The following DNAJC24 variants were observed in gnomAD, a reference collection of about 807,000 sequenced individuals.
DNAJC24 encodes the protein dnaJ homolog subfamily C member 24.
DNAJC24 carries 17 observed loss-of-function variants against 18.0 expected under a neutral mutation model. That is an observed-to-expected ratio of 0.94 (90% CI 0.65 to 1.42). The LOEUF is 1.42. Ranked by LOEUF, DNAJC24 falls within the 40% of genes most tolerant of loss-of-function variation. DNAJC24 has a pLI of 0.00. For synonymous variants in DNAJC24, 55 were observed against 57.7 expected (o/e 0.95, Z 0.21); for missense variants, 158 against 175.6 (o/e 0.90, Z 0.57).
At chr11:31,429,661 A>C (rs897622003) in intron 4 of DNAJC24, 1 of 221,064 alleles carries the variant, frequency 4.5e-6, no homozygotes, top group African/African-American at 2.3e-5. Context: ...TTGTTGGTTC[A>C]TGTATCATTT....
intron 3 of DNAJC24, among the ~76,000 whole-genome samples, chr11:31,418,904 A>G (rs766773581): frequency 7.2e-5 from 11 of 152,242 alleles, no homozygotes; most frequent in Non-Finnish European, 1.3e-4. Context: ...GGAACGAAAT[A>G]TAAGCAAATC....
chr11:31,422,495 A>G (rs1952816656), intron 3 of DNAJC24, among the ~76,000 whole-genome samples: 1 of 152,196 alleles, frequency 6.6e-6, no homozygotes. Flanking sequence ...ATTTAATTAA[A>G]TCACTCTCTA....
intron 2 of DNAJC24, among the ~76,000 whole-genome samples, chr11:31,390,395 C>CA (rs370680501): frequency 0.38 from 18,052 of 47,598 alleles, 3,093 homozygotes; most frequent in Non-Finnish European, 0.4. Context: ...GACTCTATCT[C>CA]AAAAAAAAAA....
rs1952297340 is a variant in DNAJC24 at position 31,374,861 on chromosome 11, A to C, written c.111+4002A>C. Among the ~76,000 whole-genome samples, 2 of 134,300 alleles carry C rather than the reference A, an allele frequency of 1.5e-5. 1 individual carries two copies. Among genetic ancestry groups the C allele is most frequent in the Non-Finnish European group, 3.4e-5 (2 of 58,038 alleles). The allele number at this position is 134,300 out of a possible 152,430, so 88.1% of individuals were successfully genotyped here. A position where few individuals can be genotyped will look rare whatever the true frequency, so the allele number is the denominator to read the frequency against. On this transcript the variant is annotated intron_variant, in intron 2 of 4. Transcript: ENST00000465995. The stretch of plus-strand genomic sequence containing the variant: ...TGAATTTGTTATCATTTATTGATGA[A>C]TTTTCCATCTCTTCAAATTTTGGTG...
intron 2 of DNAJC24, among the ~76,000 whole-genome samples, chr11:31,400,609 C>T (rs1952592385): frequency 6.6e-6 from 1 of 152,136 alleles, no homozygotes; most frequent in Non-Finnish European, 1.5e-5. Context: ...ACAAACCTGA[C>T]AGAAACAAGC....
At chr11:31,388,169 G>A (rs920914081) in intron 2 of DNAJC24, among the ~76,000 whole-genome samples, 1 of 152,108 alleles carries the variant, frequency 6.6e-6, no homozygotes, top group African/African-American at 2.4e-5. Flanking sequence ...TAAAGTGGAG[G>A]TAGAGAGAGA....
intron 3 of DNAJC24, among the ~76,000 whole-genome samples, chr11:31,420,547 T>G (rs1591921087): frequency 1.3e-5 from 2 of 152,238 alleles, no homozygotes; most frequent in East Asian, 3.9e-4. Flanking sequence ...TTTCTTATGG[T>G]CTGGTATAGA....
rs563979360 is a variant in DNAJC24, at chr11:31,387,571, G to A, written c.111+16712G>A. Among the ~76,000 whole-genome samples, 5 of 152,262 alleles carry A rather than the reference G, an allele frequency of 3.3e-5. No homozygotes were observed. In the East Asian group the frequency reaches 9.7e-4, roughly 29 times the overall value. ...GGGATGCCCTCTAATGAAGATATAC[G>A]AGCAGTGACCAAAGACTTAGATTAC... On this transcript the variant is annotated intron_variant, in intron 2 of 4. Coordinates refer to ENST00000465995, the MANE Select transcript of DNAJC24 (RefSeq NM_181706.5).
intron 2 of DNAJC24, among the ~76,000 whole-genome samples, chr11:31,384,087 A>G (rs993975675): frequency 6.6e-6 from 1 of 152,176 alleles, no homozygotes; most frequent in Non-Finnish European, 1.5e-5. Context: ...AGTGTTTTAT[A>G]ATGTATTTCA....
chr11:31,429,247 A>G (rs1220590643), intron 4 of DNAJC24, among the ~76,000 whole-genome samples: 1 of 151,814 alleles, frequency 6.6e-6, no homozygotes. Flanking sequence ...AAACACATAA[A>G]GTTAGCTTAT....
Position 31,432,530 on chromosome 11 carries a change from G to A in DNAJC24, c.*2129G>A, listed in dbSNP as rs779915256. 8 of 1,612,838 alleles carry A rather than the reference G, an allele frequency of 5.0e-6. No homozygotes were observed. In the African/African-American group the frequency reaches 9.3e-5, roughly 19 times the overall value. On this transcript the variant is annotated 3_prime_UTR_variant, in exon 5 of 5. Coordinates refer to ENST00000465995, the MANE Select transcript of DNAJC24 (RefSeq NM_181706.5). The stretch of plus-strand genomic sequence containing the variant: ...CATCAGAAAATCTGTGGCCATTAGG[G>A]CTGGCACGTAAAAATCCAAAATCAC...
chr11:31,410,765 T>TA (rs1014264560), intron 2 of DNAJC24, among the ~76,000 whole-genome samples: 1 of 152,222 alleles, frequency 6.6e-6, no homozygotes, highest in African/African-American at 2.4e-5. Flanking sequence ...GTTATATACT[T>TA]ACCTTTCCTC....
intron 3 of DNAJC24, among the ~76,000 whole-genome samples, chr11:31,419,302 T>C (rs1952781531): frequency 6.6e-6 from 1 of 151,978 alleles, no homozygotes; most frequent in African/African-American, 2.4e-5. Context: ...CTGAGAAAAG[T>C]AAGTATGTGA....
chr11:31,383,248 G>GTGTACTGAATACTATAGGCA (rs1952395834), intron 2 of DNAJC24, among the ~76,000 whole-genome samples: 1 of 151,914 alleles, frequency 6.6e-6, no homozygotes. Flanking sequence ...ACTTCCTGGA[G>GTGTACTGAATACTATAGGCA]GTTGAGGGCT....
chr11:31,386,593 G>A (rs1391187933), intron 2 of DNAJC24, among the ~76,000 whole-genome samples: 2 of 152,048 alleles, frequency 1.3e-5, no homozygotes, highest in Non-Finnish European at 2.9e-5. Context: ...GAACATCACT[G>A]GTACCCAGGC....
intron 2 of DNAJC24, among the ~76,000 whole-genome samples, chr11:31,381,984 A>T (rs1411692555): frequency 6.6e-6 from 1 of 152,168 alleles, no homozygotes; most frequent in Non-Finnish European, 1.5e-5. Context: ...ATATATTCGA[A>T]TCTGTTTATG....
At chr11:31,420,320 C>G (rs1952791436) in intron 3 of DNAJC24, among the ~76,000 whole-genome samples, 2 of 152,016 alleles carry the variant, frequency 1.3e-5, no homozygotes, top group African/African-American at 2.4e-5. Flanking sequence ...CTCCCAACTT[C>G]CCACCACCCA....
At chr11:31,376,824 TTAC>T (rs770923010) in intron 2 of DNAJC24, among the ~76,000 whole-genome samples, 73 of 152,304 alleles carry the variant, frequency 4.8e-4, no homozygotes, top group South Asian at 2.9e-3. Context: ...TCAGACATAA[TTAC>T]TACTGTCTTG....
At position 31,371,872 on chromosome 11, in the gene DNAJC24, A is replaced by G. The variant is rs1209910100; in HGVS notation, c.111+1013A>G. Among the ~76,000 whole-genome samples, 3 of 119,022 alleles carry G rather than the reference A, an allele frequency of 2.5e-5. No individual in the cohort carries two copies. The Admixed American group carries it at 3.7e-4, about 15-fold the overall frequency. 78.1% of individuals were successfully genotyped at this position (119,022 alleles called of 152,430 possible). A position where few individuals can be genotyped will look rare whatever the true frequency, so the allele number is the denominator to read the frequency against. On this transcript the variant is annotated intron_variant, in intron 2 of 4. Transcript: ENST00000465995. Reference sequence around the variant, plus strand: ...GAGTTTTACTCTTGTTGCCCAGGCTAGGGTGCAATGGTGCGATCTTGGCAC... The same window carrying G: ...GAGTTTTACTCTTGTTGCCCAGGCTGGGGTGCAATGGTGCGATCTTGGCAC...
Sources: allele counts gnomAD v4.1 joint callset (sites outside exome capture counted in the v4.1 genomes callset), GRCh38; gene constraint gnomAD v4.1.1; transcripts MANE v1.5; gene names NCBI Gene and HGNC (gene_info 2026-07-23, HGNC 2026-07-21).